The following JAK1 variants were observed in gnomAD, a reference collection of about 807,000 sequenced individuals.
JAK1 encodes the protein Janus kinase 1.
In JAK1, 16 loss-of-function variants were observed where a neutral mutation model predicts 136.6. The ratio of observed to expected loss-of-function variants is 0.12; its 90% CI spans 0.08 to 0.18. The LOEUF is 0.18. Ranked by LOEUF, JAK1 falls within the 10% of genes least tolerant of loss-of-function variation. JAK1 has a pLI of 1.00. For missense variants in JAK1, 859 were observed against 1,450.1 expected, an observed-to-expected ratio of 0.59 and a Z score of 6.62; for synonymous variants, 492 against 519.5, an observed-to-expected ratio of 0.95 and a Z score of 0.72.
chr1:64,912,688 C>T (rs573376344), intron 1 of JAK1, among the ~76,000 whole-genome samples: 8 of 152,300 alleles, frequency 5.3e-5, no homozygotes, highest in African/African-American at 1.9e-4. Context: ...AGAACTTTGC[C>T]AAGGTCATAC....
At chr1:65,026,006 A>G (rs1646974945) in intron 2 of JAK1, among the ~76,000 whole-genome samples, 2 of 152,138 alleles carry the variant, frequency 1.3e-5, no homozygotes, top group Admixed American at 1.3e-4. Context: ...GCCATAAAAC[A>G]GGGATTACCT....
At chr1:65,021,083 G>C (rs479774) in intron 2 of JAK1, among the ~76,000 whole-genome samples, 34,793 of 151,972 alleles carry the variant, frequency 0.23, 5,144 homozygotes, top group East Asian at 0.39. Flanking sequence ...CTCCTTGTTG[G>C]TGAACCCAAC....
intron 1 of JAK1, among the ~76,000 whole-genome samples, chr1:64,897,597 G>A (rs1265439856): frequency 1.6e-5 from 2 of 126,820 alleles, no homozygotes; most frequent in South Asian, 5.2e-4. Context: ...GAGGAAAGCC[G>A]GAGGGTAAGG....
chr1:65,025,668 T>C (rs1466737463), intron 2 of JAK1, among the ~76,000 whole-genome samples: 4 of 140,334 alleles, frequency 2.9e-5, no homozygotes, highest in Non-Finnish European at 6.0e-5. Context: ...TCAATTTTTT[T>C]CTTTCTTTCT....
intron 4 of JAK1, among the ~76,000 whole-genome samples, chr1:64,877,743 C>T (rs992724832): frequency 6.6e-6 from 1 of 152,098 alleles, no homozygotes. Flanking sequence ...AGGGACATAC[C>T]CCTTCCAGAC....
chr1:64,974,077 T>C (rs1646477603), intron 2 of JAK1: 1 of 152,228 alleles, frequency 6.6e-6, no homozygotes. Flanking sequence ...CAGTTAATTG[T>C]CCAAAGTAGA....
intron 1 of JAK1, among the ~76,000 whole-genome samples, chr1:64,964,344 T>C (rs2100644572): frequency 6.6e-6 from 1 of 152,380 alleles, no homozygotes; most frequent in South Asian, 2.1e-4. Flanking sequence ...ACACAGATCA[T>C]GGTCTTTGCT....
chr1:64,947,132 T>C (rs968955375), intron 1 of JAK1, among the ~76,000 whole-genome samples: 3 of 152,198 alleles, frequency 2.0e-5, no homozygotes, highest in Non-Finnish European at 2.9e-5. Context: ...TTCTGGAGAT[T>C]AGATGTAAAA....
chr1:65,047,486 A>G (rs1647195098), intron 1 of JAK1, among the ~76,000 whole-genome samples: 1 of 152,222 alleles, frequency 6.6e-6, no homozygotes, highest in African/African-American at 2.4e-5. Context: ...TGGGAGGCCA[A>G]GACGGGCAAA....
intron 2 of JAK1, among the ~76,000 whole-genome samples, chr1:65,009,331 A>C (rs765871003): frequency 6.6e-6 from 1 of 152,216 alleles, no homozygotes; most frequent in Admixed American, 6.5e-5. Context: ...TTCTAAAAAA[A>C]CATTCATGAA....
At chr1:64,845,137 A>C (rs1321052706) in intron 15 of JAK1, among the ~76,000 whole-genome samples, 1 of 152,094 alleles carries the variant, frequency 6.6e-6, no homozygotes, top group African/African-American at 2.4e-5. Context: ...TACTGATTAG[A>C]ATCTGTGAAA....
At chr1:65,001,481 GA>G (rs1434507803) in intron 2 of JAK1, among the ~76,000 whole-genome samples, 1 of 152,190 alleles carries the variant, frequency 6.6e-6, no homozygotes, top group Non-Finnish European at 1.5e-5. Context: ...ACGCTCGGAG[GA>G]AGTCACGTTC....
chr1:65,016,139 A>T (rs972473071), intron 2 of JAK1, among the ~76,000 whole-genome samples: 1 of 152,236 alleles, frequency 6.6e-6, no homozygotes, highest in Non-Finnish European at 1.5e-5. Flanking sequence ...TATCTCAAAT[A>T]GGAAAATTCG....
chr1:64,856,252 G>A (rs1655922810), intron 10 of JAK1, among the ~76,000 whole-genome samples: 1 of 152,192 alleles, frequency 6.6e-6, no homozygotes, highest in Admixed American at 6.5e-5. Flanking sequence ...GGAGGTATAA[G>A]CAGTTTTCCC....
In JAK1 at chr1:64,999,577, T is replaced by C. The variant is rs985892142; in HGVS notation, c.-78+44903A>G. Among the ~76,000 whole-genome samples the C allele has an allele frequency of 2.0e-5, 3 of 151,644 alleles. No homozygotes were observed. In the East Asian group the frequency reaches 5.8e-4, roughly 29 times the overall value. ...ACATAGGGAGACTCCATCTCTACAA[T>C]AGAAAAAATTAACTGGGTGTGGTGG... On this transcript the variant is annotated intron_variant, in intron 2 of 25. Coordinates refer to the JAK1 transcript ENST00000671954.
At chr1:64,979,332 G>A (rs1236413223) in intron 2 of JAK1, among the ~76,000 whole-genome samples, 4 of 152,308 alleles carry the variant, frequency 2.6e-5, no homozygotes, top group African/African-American at 7.2e-5. Context: ...CCAGGAGTTC[G>A]AGGCTGTAGT....
chr1:64,883,702 A>C (rs1222069011), intron 2 of JAK1, among the ~76,000 whole-genome samples: 2 of 152,122 alleles, frequency 1.3e-5, no homozygotes, highest in African/African-American at 4.8e-5. Flanking sequence ...GTAATTTATT[A>C]ATTATGTATT....
At chr1:64,866,009 C>T (rs1261465041) in intron 7 of JAK1, among the ~76,000 whole-genome samples, 1 of 152,222 alleles carries the variant, frequency 6.6e-6, no homozygotes, top group African/African-American at 2.4e-5. Context: ...ATCTGCCTGC[C>T]TCAGCCTCCC....
chr1:64,949,639 T>C (rs1223360999), intron 1 of JAK1, among the ~76,000 whole-genome samples: 1 of 152,268 alleles, frequency 6.6e-6, no homozygotes, highest in Non-Finnish European at 1.5e-5. Flanking sequence ...ATTTGACATG[T>C]TACTTGCCAG....
Sources: allele counts gnomAD v4.1 joint callset (sites outside exome capture counted in the v4.1 genomes callset), GRCh38; gene constraint gnomAD v4.1.1; transcripts MANE v1.5; gene names NCBI Gene and HGNC (gene_info 2026-07-23, HGNC 2026-07-21).